LRRC1: variants seen among roughly 807,000 people sequenced by gnomAD.
The protein encoded by LRRC1 is leucine rich repeat containing 1.
In LRRC1, 28 loss-of-function variants were observed where a neutral mutation model predicts 69.9. The ratio of observed to expected loss-of-function variants is 0.40; its 90% CI spans 0.30 to 0.55. The LOEUF is 0.55. LRRC1 is among the 20% of genes least tolerant of loss of function. LRRC1 has a pLI of 0.47. For missense variants in LRRC1, 498 were observed against 609.0 expected (o/e 0.82, Z 1.92); for synonymous variants, 236 against 240.2 (o/e 0.98, Z 0.16).
At chr6:53,806,459 C>A (rs531888020) in intron 1 of LRRC1, among the ~76,000 whole-genome samples, 1 of 152,264 alleles carries the variant, frequency 6.6e-6, no homozygotes, top group South Asian at 2.1e-4. Flanking sequence ...GTGGAAACAG[C>A]ACTGGCCTGG....
Position 53,901,616 on chromosome 6 carries a change from T to A in LRRC1, c.788-1013T>A, listed in dbSNP as rs1581911156. ...GCTTAGTGAAGAAATGAGTACCTTGTCACTAGAAGTATTCAAGGAGAGGCT... is the reference window on the plus strand; with the variant it reads ...GCTTAGTGAAGAAATGAGTACCTTGACACTAGAAGTATTCAAGGAGAGGCT... On this transcript the variant is annotated intron_variant, in intron 8 of 13. Transcript: ENST00000370888. 2.6e-5 allele frequency among the ~76,000 whole-genome samples: 4 copies of A among 152,164 alleles called. No homozygotes were observed. The Middle Eastern group carries it at 0.01, about 391-fold the overall frequency.
chr6:53,886,683 T>G (rs1030599811), intron 4 of LRRC1, among the ~76,000 whole-genome samples: 3 of 152,214 alleles, frequency 2.0e-5, no homozygotes, highest in Non-Finnish European at 4.4e-5. Flanking sequence ...TGTTAAAATT[T>G]TTTACCTGCC....
chr6:53,890,136 C>T (rs1290087785), intron 4 of LRRC1, among the ~76,000 whole-genome samples: 2 of 152,100 alleles, frequency 1.3e-5, no homozygotes, highest in African/African-American at 4.8e-5. Context: ...TTGATATGCC[C>T]TTCCATGAGA....
At chr6:53,835,787 A>T (rs1162562587) in intron 1 of LRRC1, among the ~76,000 whole-genome samples, 2 of 152,164 alleles carry the variant, frequency 1.3e-5, no homozygotes, top group Non-Finnish European at 2.9e-5. Context: ...TTTTGTACAT[A>T]ATCTACCCAG....
intron 1 of LRRC1, among the ~76,000 whole-genome samples, chr6:53,834,972 A>C (rs1006841506): frequency 3.9e-5 from 6 of 152,144 alleles, no homozygotes; most frequent in Non-Finnish European, 8.8e-5. Context: ...AAAAAATAAT[A>C]ATAATAAAAA....
intron 2 of LRRC1, among the ~76,000 whole-genome samples, chr6:53,855,429 C>T (rs1241470621): frequency 6.6e-6 from 1 of 152,138 alleles, no homozygotes; most frequent in Non-Finnish European, 1.5e-5. Flanking sequence ...AACACAGGCC[C>T]AACACAAAAG....
intron 4 of LRRC1, among the ~76,000 whole-genome samples, chr6:53,895,343 T>C (rs1239269983): frequency 6.6e-6 from 1 of 152,248 alleles, no homozygotes; most frequent in Admixed American, 6.5e-5. Flanking sequence ...AGTTAAAATA[T>C]ATTTTCTGGC....
At chr6:53,848,373 A>G (rs1766014936) in intron 2 of LRRC1, among the ~76,000 whole-genome samples, 1 of 152,256 alleles carries the variant, frequency 6.6e-6, no homozygotes, top group African/African-American at 2.4e-5. Flanking sequence ...GGTGAAGAGG[A>G]ATCAGGCTTC....
chr6:53,913,432 ATGTG>A (rs1034689185), intron 10 of LRRC1, among the ~76,000 whole-genome samples: 2 of 152,108 alleles, frequency 1.3e-5, no homozygotes, highest in African/African-American at 4.8e-5. Flanking sequence ...GTCTTGAATT[ATGTG>A]TGTATCAGTA....
At chr6:53,824,395 G>T (rs1314666536) in intron 1 of LRRC1, among the ~76,000 whole-genome samples, 2 of 151,738 alleles carry the variant, frequency 1.3e-5, no homozygotes, top group Admixed American at 6.6e-5. Flanking sequence ...TTAGACCTTT[G>T]TCAGATGCAT....
chr6:53,876,831 C>T (rs1767084605), intron 2 of LRRC1, among the ~76,000 whole-genome samples: 1 of 152,158 alleles, frequency 6.6e-6, no homozygotes. Flanking sequence ...ACGGGCTGGC[C>T]TTGACTGTCT....
At chr6:53,904,996 C>A (rs528498025) in intron 10 of LRRC1, 1 of 151,754 alleles carries the variant, frequency 6.6e-6, no homozygotes, top group South Asian at 2.1e-4. Flanking sequence ...CTTCCTAGGA[C>A]TTTTTTTTTG....
chr6:53,900,817 A>G (rs1004788068), intron 8 of LRRC1, among the ~76,000 whole-genome samples: 48 of 152,348 alleles, frequency 3.2e-4, no homozygotes, highest in African/African-American at 1.1e-3. Context: ...CCATTGTAGC[A>G]AAGCCACTTT....
Position 53,922,773 on chromosome 6 carries a change from C to T in LRRC1, c.1555C>T (p.Arg519Ter), listed in dbSNP as rs766933024. ...AAACGAGGTCAATCATGCCATTGAC[C>T]GAGTGACCACTTCTGTGTAGAGTTT... The part of the protein sequence containing the change: ...NKNEVNHAID[R>*]VTTSV The change falls in exon 14 of 14, where the codon CGA (arginine) becomes TGA (stop). Residue 519 changes from arginine to a stop codon, truncating the protein, a stop_gained. Transcript: ENST00000370888. LOFTEE classifies it high-confidence loss of function. 22 of 1,613,742 alleles carry T rather than the reference C, an allele frequency of 1.4e-5. No homozygotes were observed. Among genetic ancestry groups the T allele is most frequent in the South Asian group, 3.3e-5 (3 of 91,062 alleles).
At chr6:53,805,511 G>T (rs1431853726) in intron 1 of LRRC1, among the ~76,000 whole-genome samples, 1 of 152,198 alleles carries the variant, frequency 6.6e-6, no homozygotes, top group African/African-American at 2.4e-5. Context: ...ACTCAGGCCA[G>T]ATCCTCTTAC....
At chr6:53,879,213 T>G in intron 3 of LRRC1, 142 bp downstream of exon 3, 1 of 612,682 alleles carries the variant, frequency 1.6e-6, no homozygotes, top group East Asian at 2.8e-5. Flanking sequence ...CTTTCACAGA[T>G]ATTTCTTTAT....
At chr6:53,829,901 C>A (rs1199159838) in intron 1 of LRRC1, among the ~76,000 whole-genome samples, 1 of 152,170 alleles carries the variant, frequency 6.6e-6, no homozygotes, top group Non-Finnish European at 1.5e-5. Context: ...TTCCTGCATT[C>A]CTCTTTTCTT....
At chr6:53,868,873 GC>G (rs2127426132) in intron 2 of LRRC1, among the ~76,000 whole-genome samples, 1 of 152,286 alleles carries the variant, frequency 6.6e-6, no homozygotes, top group African/African-American at 2.4e-5. Context: ...TCACATTCAT[GC>G]CTGTGCTTCT....
intron 2 of LRRC1, among the ~76,000 whole-genome samples, chr6:53,876,983 T>G (rs1374724835): frequency 6.6e-6 from 1 of 152,226 alleles, no homozygotes; most frequent in Non-Finnish European, 1.5e-5. Context: ...CCTCATTTCC[T>G]TTCTGTACTG....
Sources: gnomAD v4.1 joint callset for allele counts (sites outside exome capture counted in the v4.1 genomes callset) on GRCh38, gnomAD v4.1.1 for gene constraint, MANE v1.5 for transcripts, NCBI Gene and HGNC (gene_info 2026-07-23, HGNC 2026-07-21) for gene names.